Variants in RFFL observed in about 807,000 individuals in gnomAD.
The protein encoded by RFFL is E3 ubiquitin-protein ligase rififylin.
RFFL carries 16 observed loss-of-function variants against 40.4 expected under a neutral mutation model. The observed-to-expected ratio is 0.40, with a 90% CI of 0.27 to 0.60. The LOEUF is 0.60. Among genes scored for constraint, RFFL ranks in the 20% least tolerant of loss-of-function variants. The pLI, the probability that RFFL is intolerant of heterozygous loss-of-function variation, is 0.47. For missense variants in RFFL, 367 were observed against 451.7 expected, an observed-to-expected ratio of 0.81 and a Z score of 1.70; for synonymous variants, 154 against 167.9, an observed-to-expected ratio of 0.92 and a Z score of 0.64.
intron 1 of RFFL, among the ~76,000 whole-genome samples, chr17:35,058,563 G>T (rs370053724): frequency 2.0e-4 from 30 of 152,252 alleles, no homozygotes; most frequent in African/African-American, 6.7e-4. Context: ...ATAAGGTCAG[G>T]AGTTCAAGAC....
intron 1 of RFFL, among the ~76,000 whole-genome samples, chr17:35,047,838 G>A (rs890235528): frequency 6.6e-6 from 1 of 150,812 alleles, no homozygotes; most frequent in African/African-American, 2.4e-5. Context: ...TGCAGCCTCT[G>A]CCTCCCAGGC....
At chr17:35,021,227 C>T in intron 3 of RFFL, 144 bp downstream of exon 3, 2 of 785,882 alleles carry the variant, frequency 2.5e-6, no homozygotes, top group South Asian at 5.5e-5. Context: ...CCAGAAAACA[C>T]TTGGTGCACC....
rs1439247607 is a variant in RFFL, at chr17:35,029,894, A to G, written c.-8-3333T>C. On this transcript the variant is annotated intron_variant, in intron 1 of 6. Transcript: ENST00000394597. ...GTATGATGTTCCCCTTCCTGTGTCC[A>G]TGTGTTCTCATTGTTCAATTCCCAC... Among the ~76,000 whole-genome samples the G allele has an allele frequency of 5.3e-5, 7 of 133,312 alleles. 1 individual carries two copies. Among genetic ancestry groups the G allele is most frequent in the Admixed American group, 5.2e-4 (6 of 11,546 alleles). 87.5% of individuals were successfully genotyped at this position (133,312 alleles called of 152,430 possible).
Position 35,011,358 on chromosome 17 carries a change from A to G in RFFL, c.*610T>C, listed in dbSNP as rs2090936826. The G allele has an allele frequency of 6.6e-6, 1 of 152,236 alleles. No individual in the cohort carries two copies. The highest frequency in any genetic ancestry group is 2.4e-5 in the African/African-American group (1 of 41,468). 9.4% of individuals were successfully genotyped at this position (152,236 alleles called of 1,614,324 possible). A position where few individuals can be genotyped will look rare whatever the true frequency, so the allele number is the denominator to read the frequency against. On this transcript the variant is annotated 3_prime_UTR_variant, in exon 7 of 7. Transcript: ENST00000394597. ...CTTTTAACAACTTTGAAATTTTTCTATAGCATTTGTATTTCATTTCTCACC... is the reference window on the plus strand; with the variant it reads ...CTTTTAACAACTTTGAAATTTTTCTGTAGCATTTGTATTTCATTTCTCACC...
intron 3 of RFFL, chr17:35,018,945 C>A (rs1481891616): frequency 1.3e-5 from 2 of 152,260 alleles, no homozygotes; most frequent in Non-Finnish European, 2.9e-5. Flanking sequence ...AAAGCATGCT[C>A]TTGTCTTTCC....
chr17:35,068,919 A>G (rs574601201), intron 1 of RFFL, among the ~76,000 whole-genome samples: 2 of 152,158 alleles, frequency 1.3e-5, no homozygotes, highest in African/African-American at 2.4e-5. Flanking sequence ...AATTTTCTAT[A>G]TAAGGCTATT....
At chr17:35,038,185 A>T (rs545874407) in intron 1 of RFFL, among the ~76,000 whole-genome samples, 35 of 150,658 alleles carry the variant, frequency 2.3e-4, no homozygotes, top group Non-Finnish European at 4.3e-4. Context: ...GCTACTCAGG[A>T]GGCTGAGGCA....
Position 35,007,404 on chromosome 17 carries a change from C to G in RFFL, c.*4564G>C, listed in dbSNP as rs190854939. The G allele has an allele frequency of 2.6e-5, 4 of 152,288 alleles. No homozygotes were observed. The East Asian group carries it at 7.7e-4, about 29-fold the overall frequency. 9.4% of individuals were successfully genotyped at this position (152,288 alleles called of 1,614,324 possible). ...TGTATTTCAATGCAGCCCTCAACAT[C>G]ATCATCATAAATCTCTCCAGCAGAA... On this transcript the variant is annotated 3_prime_UTR_variant, in exon 7 of 7. Coordinates refer to ENST00000394597, the MANE Select transcript of RFFL (RefSeq NM_001017368.2).
intron 1 of RFFL, among the ~76,000 whole-genome samples, chr17:35,082,476 C>G (rs900873031): frequency 6.6e-6 from 1 of 152,228 alleles, no homozygotes. Flanking sequence ...TACATGCCAA[C>G]ACTCCACTCA....
intron 6 of RFFL, among the ~76,000 whole-genome samples, chr17:35,012,494 G>A (rs1289640547): frequency 6.6e-6 from 1 of 152,224 alleles, no homozygotes; most frequent in Non-Finnish European, 1.5e-5. Context: ...TATAGTGAGT[G>A]TGTGAGTGGC....
Position 35,011,785 on chromosome 17 carries a change from C to A in RFFL, c.*183G>T. ...AGTTCCCACTGGCCTTGGGCTTTGC[C>A]AGCCAAGAGGTACACCCCTGGGAAG... On this transcript the variant is annotated 3_prime_UTR_variant, in exon 7 of 7. Transcript: ENST00000394597. The A allele has an allele frequency of 1.6e-6, 1 of 606,176 alleles. No individual in the cohort carries two copies. 37.5% of individuals were successfully genotyped at this position (606,176 alleles called of 1,614,324 possible).
intron 1 of RFFL, among the ~76,000 whole-genome samples, chr17:35,056,855 T>C (rs2142363585): frequency 6.6e-6 from 1 of 152,318 alleles, no homozygotes; most frequent in Non-Finnish European, 1.5e-5. Flanking sequence ...AGAAAAAGAA[T>C]CTTTGCTTGT....
At chr17:35,034,126 G>A (rs1012934449) in intron 1 of RFFL, among the ~76,000 whole-genome samples, 2 of 151,830 alleles carry the variant, frequency 1.3e-5, no homozygotes, top group Non-Finnish European at 2.9e-5. Context: ...CTGGGTGACA[G>A]AGCGAGACTC....
upstream of RFFL, among the ~76,000 whole-genome samples, chr17:35,064,942 G>A (rs984565450): frequency 2.0e-5 from 3 of 152,134 alleles, no homozygotes; most frequent in African/African-American, 4.8e-5. Flanking sequence ...GGATAGCCAC[G>A]CTGAGCTTTG....
chr17:35,017,984 G>C (rs1386483006), intron 3 of RFFL, among the ~76,000 whole-genome samples: 1 of 152,154 alleles, frequency 6.6e-6, no homozygotes, highest in Non-Finnish European at 1.5e-5. Flanking sequence ...TCTTGACACT[G>C]ATCCAAAATT....
intron 1 of RFFL, among the ~76,000 whole-genome samples, chr17:35,079,742 G>T (rs1410240667): frequency 6.6e-6 from 1 of 152,190 alleles, no homozygotes; most frequent in Non-Finnish European, 1.5e-5. Context: ...TGAAGTGCTG[G>T]ATTCAACCAT....
chr17:35,031,679 C>G (rs1379480001), intron 1 of RFFL, among the ~76,000 whole-genome samples: 2 of 151,946 alleles, frequency 1.3e-5, no homozygotes, highest in Non-Finnish European at 2.9e-5. Context: ...CCAGAGAAGA[C>G]TTTTCAAATG....
In RFFL at chr17:35,011,871, A is replaced by G; in HGVS notation, c.*97T>C. On this transcript the variant is annotated 3_prime_UTR_variant, in exon 7 of 7. Coordinates refer to ENST00000394597, the MANE Select transcript of RFFL (RefSeq NM_001017368.2). The stretch of plus-strand genomic sequence containing the variant: ...GACCTGGTTTTGGGAACCCTGCAAT[A>G]TTTCTACTAGCTTGCTCCTCTGCAA... 1 of 1,215,256 alleles carries G rather than the reference A, an allele frequency of 8.2e-7. No homozygotes were observed. Among genetic ancestry groups the G allele is most frequent in the Non-Finnish European group, 1.2e-6 (1 of 847,874 alleles). 75.3% of individuals were successfully genotyped at this position (1,215,256 alleles called of 1,614,324 possible). A position where few individuals can be genotyped will look rare whatever the true frequency, so the allele number is the denominator to read the frequency against.
At chr17:35,026,288 G>A (rs1385184800) in intron 2 of RFFL, 86 bp downstream of exon 2, 3 of 1,315,156 alleles carry the variant, frequency 2.3e-6, no homozygotes, top group East Asian at 5.0e-5. Context: ...GGAAAGGAAA[G>A]GTTGCAGGCA....
Sources: allele counts gnomAD v4.1 joint callset (sites outside exome capture counted in the v4.1 genomes callset), GRCh38; gene constraint gnomAD v4.1.1; transcripts MANE v1.5; gene names NCBI Gene and HGNC (gene_info 2026-07-23, HGNC 2026-07-21).